Variants in IQSEC1 observed in about 807,000 individuals in gnomAD.
IQSEC1 encodes the protein IQ motif and SEC7 domain-containing protein 1.
In IQSEC1, 31 loss-of-function variants were observed where a neutral mutation model predicts 91.0. That is an observed-to-expected ratio of 0.34 (90% confidence interval 0.26 to 0.46). The LOEUF (loss-of-function observed/expected upper bound fraction) is 0.46. IQSEC1 is among the 20% of genes least tolerant of loss of function. The pLI, the probability that IQSEC1 is intolerant of heterozygous loss-of-function variation, is 1.00. For missense variants in IQSEC1, 1,388 were observed against 1,575.6 expected, an observed-to-expected ratio of 0.88 and a Z score of 2.02; for synonymous variants, 699 against 662.6, an observed-to-expected ratio of 1.05 and a Z score of -0.84.
At position 12,900,230 on chromosome 3, in the gene IQSEC1, A is replaced by G; in HGVS notation, c.*753T>C. The G allele has an allele frequency of 4.1e-6, 4 of 983,808 alleles. No individual in the cohort carries two copies. Among genetic ancestry groups the G allele is most frequent in the Non-Finnish European group, 4.8e-6 (4 of 828,444 alleles). 60.9% of individuals were successfully genotyped at this position (983,808 alleles called of 1,614,324 possible). On this transcript the variant is annotated 3_prime_UTR_variant, in exon 14 of 14. Coordinates refer to ENST00000613206, the MANE Select transcript of IQSEC1 (RefSeq NM_001134382.3). ...AGATGCTATGTTACTTGGCACAGTT[A>G]GTAATGATTGTGTAAAGATTTTAGC...
intron 1 of IQSEC1, among the ~76,000 whole-genome samples, chr3:12,945,139 C>A (rs1246177590): frequency 2.0e-5 from 3 of 152,158 alleles, no homozygotes; most frequent in South Asian, 4.1e-4. Context: ...TCAGAATGGG[C>A]AGGAGATGGG....
chr3:13,030,768 C>A (rs1301960945), intron 1 of IQSEC1, among the ~76,000 whole-genome samples: 1 of 152,214 alleles, frequency 6.6e-6, no homozygotes, highest in Non-Finnish European at 1.5e-5. Flanking sequence ...TTTGGAGACC[C>A]TTTGGGAGAG....
chr3:13,214,703 G>A lies in IQSEC1; in HGVS notation c.273-50570C>T, dbSNP rs994387189. 6.6e-6 allele frequency among the ~76,000 whole-genome samples: 1 copy of A among 152,260 alleles called. No homozygotes were observed. Among genetic ancestry groups the A allele is most frequent in the Non-Finnish European group, 1.5e-5 (1 of 68,042 alleles). On this transcript the variant is annotated intron_variant, in intron 1 of 15. Coordinates refer to the IQSEC1 transcript ENST00000648114. This position sits in a 1 kb window ranked among gnomAD's most constrained non-coding sequence, Gnocchi z 4.5. The stretch of plus-strand genomic sequence containing the variant: ...GGCACACGAGCTGGTGTCCGGTGGA[G>A]CACGGTCTCCAGGGAGCGGTGTTGA...
chr3:13,123,832 C>A (rs1272442491), intron 2 of IQSEC1, among the ~76,000 whole-genome samples: 1 of 152,160 alleles, frequency 6.6e-6, no homozygotes, highest in Non-Finnish European at 1.5e-5. Flanking sequence ...CTGAGCCTGG[C>A]GAGACTGATT....
intron 1 of IQSEC1, among the ~76,000 whole-genome samples, chr3:13,056,158 G>C (rs1335233910): frequency 6.6e-6 from 1 of 152,192 alleles, no homozygotes; most frequent in Non-Finnish European, 1.5e-5. Context: ...TCGGTGTCCT[G>C]TGGTCCTGAG....
In IQSEC1 at chr3:12,924,502, G is replaced by A. The variant is rs992414480; in HGVS notation, c.1730+79C>T. Reference sequence around the variant, plus strand: ...CAGCAAGTAGGGTGGGCCTGGCCCTGTGTGTGCCCACGGGTAACACAGGGT... The same window carrying A: ...CAGCAAGTAGGGTGGGCCTGGCCCTATGTGTGCCCACGGGTAACACAGGGT... On this transcript the variant is annotated intron_variant, in intron 4 of 13. Transcript: ENST00000613206. This position sits in a 1 kb window ranked among gnomAD's most constrained non-coding sequence, Gnocchi z 6.3. The A allele has an allele frequency of 7.0e-7, 1 of 1,438,192 alleles. No homozygotes were observed. The highest frequency in any genetic ancestry group is 1.4e-5 in the African/African-American group (1 of 69,950). 89.1% of individuals were successfully genotyped at this position (1,438,192 alleles called of 1,614,324 possible).
chr3:13,180,071 C>T (rs1425192754), intron 1 of IQSEC1, among the ~76,000 whole-genome samples: 1 of 150,798 alleles, frequency 6.6e-6, no homozygotes, highest in African/African-American at 2.4e-5. Flanking sequence ...GCGCCCAGTC[C>T]CATCCACCAC....
Position 12,897,232 on chromosome 3 carries a change from GATTT to G in IQSEC1, c.*3747_*3750del, listed in dbSNP as rs1431405653. ...AAGTGAGAATCCGAGAGTTTCAAAG[GATTT>G]ATTTGATTTCCCCACATGATCACAA... is the stretch of plus-strand genomic sequence containing the variant. On this transcript the variant is annotated 3_prime_UTR_variant, in exon 14 of 14. Coordinates refer to ENST00000613206, the MANE Select transcript of IQSEC1 (RefSeq NM_001134382.3). 1 of 152,192 alleles carries G rather than the reference GATTT, an allele frequency of 6.6e-6. No individual in the cohort carries two copies. The highest frequency in any genetic ancestry group is 1.5e-5 in the Non-Finnish European group (1 of 68,036). The allele number at this position is 152,192 out of a possible 1,614,324, so 9.4% of individuals were successfully genotyped here.
At chr3:12,914,399 T>C (rs965908364) in intron 8 of IQSEC1, among the ~76,000 whole-genome samples, 1 of 152,218 alleles carries the variant, frequency 6.6e-6, no homozygotes, top group Non-Finnish European at 1.5e-5. Flanking sequence ...GGCTTGACTC[T>C]ACCAGGGGTG....
intron 3 of IQSEC1, among the ~76,000 whole-genome samples, chr3:12,930,036 G>C (rs375823652): frequency 8.5e-5 from 13 of 152,378 alleles, no homozygotes; most frequent in Admixed American, 6.5e-4. Flanking sequence ...GCTGCTGGTG[G>C]GAAGAGTGAG....
chr3:13,073,530 G>A (rs903300090), upstream of IQSEC1, among the ~76,000 whole-genome samples: 4 of 152,156 alleles, frequency 2.6e-5, no homozygotes, highest in Non-Finnish European at 5.9e-5. Context: ...TGGTCGCCAT[G>A]GCAACAGCAG....
At chr3:13,061,780 C>T (rs1244663991) in intron 1 of IQSEC1, among the ~76,000 whole-genome samples, 1 of 152,188 alleles carries the variant, frequency 6.6e-6, no homozygotes, top group Non-Finnish European at 1.5e-5. Flanking sequence ...TGGCCTGTTT[C>T]TAGACTTGGT....
At chr3:13,190,518 T>C (rs990682153) in intron 1 of IQSEC1, among the ~76,000 whole-genome samples, 31 of 150,120 alleles carry the variant, frequency 2.1e-4, no homozygotes, top group African/African-American at 7.4e-4. Flanking sequence ...ATTGTGCCAC[T>C]GTACTCCAGC....
At chr3:13,221,387 G>A (rs2125075174) in intron 1 of IQSEC1, among the ~76,000 whole-genome samples, 1 of 152,344 alleles carries the variant, frequency 6.6e-6, no homozygotes, top group South Asian at 2.1e-4. Flanking sequence ...GCCAGGGAGA[G>A]GTGGAGTTAG....
At chr3:13,026,864 G>GCTTTTTTTTTTTT (rs370534423) in intron 1 of IQSEC1, among the ~76,000 whole-genome samples, 2 of 90,860 alleles carry the variant, frequency 2.2e-5, no homozygotes, top group Non-Finnish European at 4.9e-5. Flanking sequence ...TATCTCCCCA[G>GCTTTTTTTTTTTT]TTTTTTTTTT....
At chr3:13,229,780 A>G (rs1694814037) in intron 1 of IQSEC1, among the ~76,000 whole-genome samples, 1 of 152,216 alleles carries the variant, frequency 6.6e-6, no homozygotes, top group Admixed American at 6.5e-5. Flanking sequence ...CCTCTTCTGC[A>G]CAGCTCAGCC....
Position 13,089,424 on chromosome 3 carries a change from A to T in IQSEC1, c.303-41902T>A, listed in dbSNP as rs577400366. On this transcript the variant is annotated intron_variant, in intron 2 of 15. Coordinates refer to the IQSEC1 transcript ENST00000648114. Reference sequence around the variant, plus strand: ...GTGAGACTCAGTCTCTACAGAAAAAATTTTTTTTTAATTAGCCAGGTGTGG... The same window carrying T: ...GTGAGACTCAGTCTCTACAGAAAAATTTTTTTTTTAATTAGCCAGGTGTGG... Among the ~76,000 whole-genome samples the T allele has an allele frequency of 1.0e-3, 157 of 151,760 alleles. 1 individual carries two copies. In the South Asian group the frequency reaches 0.015, roughly 15 times the overall value.
chr3:13,239,603 T>C (rs917191672), intron 1 of IQSEC1, among the ~76,000 whole-genome samples: 1 of 152,216 alleles, frequency 6.6e-6, no homozygotes, highest in Non-Finnish European at 1.5e-5. Flanking sequence ...GCAAGGAACC[T>C]AGATGGTCCA....
At chr3:12,951,978 CGA>C (rs1357239452) in intron 1 of IQSEC1, among the ~76,000 whole-genome samples, 1 of 152,102 alleles carries the variant, frequency 6.6e-6, no homozygotes, top group African/African-American at 2.4e-5. Context: ...AGATTTAGAG[CGA>C]GAGTCTGCAG....
Sources: allele counts gnomAD v4.1 joint callset (sites outside exome capture counted in the v4.1 genomes callset), GRCh38; gene constraint gnomAD v4.1.1; non-coding constraint Gnocchi (gnomAD v3.1); transcripts MANE v1.5; gene names NCBI Gene and HGNC (gene_info 2026-07-23, HGNC 2026-07-21).